Variants in DDX31 observed in about 807,000 individuals in gnomAD.
DDX31 encodes the protein DEAD-box helicase 31, also known as ATP-dependent DNA helicase DDX31.
A neutral mutation model predicts 91.3 loss-of-function variants in DDX31; 70 were observed. The observed-to-expected ratio is 0.77, with a 90% confidence interval of 0.63 to 0.94. The LOEUF (loss-of-function observed/expected upper bound fraction) is 0.94, where lower values mean the gene tolerates loss of function less well. Among genes scored for constraint, DDX31 ranks in the 40% least tolerant of loss-of-function variants. The probability of loss-of-function intolerance (pLI) is 0.00; values close to 1 mark genes in which losing one functional copy is unlikely to be tolerated. For missense variants in DDX31, 902 were observed against 925.0 expected (o/e 0.98, Z 0.32); for synonymous variants, 362 against 350.6 (o/e 1.03, Z -0.36).
At chr9:132,655,437 A>G (rs1834499349) in intron 6 of DDX31, among the ~76,000 whole-genome samples, 2 of 152,222 alleles carry the variant, frequency 1.3e-5, no homozygotes, top group East Asian at 3.8e-4. Context: ...CAGAAAAACA[A>G]AAAACTTCAC....
intron 19 of DDX31, among the ~76,000 whole-genome samples, chr9:132,598,731 T>C (rs545896635): frequency 2.3e-4 from 35 of 152,372 alleles, no homozygotes; most frequent in African/African-American, 8.2e-4. Flanking sequence ...AGTTTAAATT[T>C]TATTTATGTA....
In DDX31 at chr9:132,618,954, C is replaced by A. The variant is rs145015455; in HGVS notation, c.1714-513G>T. 1.2e-3 allele frequency among the ~76,000 whole-genome samples: 180 copies of A among 152,306 alleles called. 1 individual carries two copies. Among genetic ancestry groups the A allele is most frequent in the Middle Eastern group, 0.01 (3 of 294 alleles). On this transcript the variant is annotated intron_variant, in intron 17 of 19. Coordinates refer to ENST00000372159, the MANE Select transcript of DDX31 (RefSeq NM_022779.9). ...GAGCAGGCTTCCTCAGTGCCTAGAG[C>A]GGTTCAGACTTCTAGTGTTTCAAAT...
At position 132,665,203 on chromosome 9, in the gene DDX31, C is replaced by T. The variant is rs553971032; in HGVS notation, c.76-2508G>A. On this transcript the variant is annotated intron_variant, in intron 1 of 19. Transcript: ENST00000372159. ...TGGCAGAGTAAGCACTCAACAAATA[C>T]TTGTAAGATGAATGAATAACACACA... 8.5e-4 allele frequency among the ~76,000 whole-genome samples: 129 copies of T among 152,318 alleles called. 1 individual carries two copies. The highest frequency in any genetic ancestry group is 1.4e-3 in the Non-Finnish European group (94 of 68,026).
intron 17 of DDX31, among the ~76,000 whole-genome samples, chr9:132,618,864 A>G (rs1831812645): frequency 1.3e-5 from 2 of 152,220 alleles, no homozygotes. Flanking sequence ...ATTTCTCTTC[A>G]TGAGCACTCC....
intron 11 of DDX31, among the ~76,000 whole-genome samples, chr9:132,647,574 T>C (rs1833916337): frequency 6.6e-6 from 1 of 152,148 alleles, no homozygotes; most frequent in Non-Finnish European, 1.5e-5. Flanking sequence ...TGGCATCTGG[T>C]ACATGCACAT....
chr9:132,634,759 T>C (rs1297338248), intron 14 of DDX31, among the ~76,000 whole-genome samples: 5 of 152,028 alleles, frequency 3.3e-5, no homozygotes, highest in Non-Finnish European at 5.9e-5. Context: ...CACACCCAGC[T>C]AATCTAGACT....
Position 132,619,729 on chromosome 9 carries a change from CAGG to C in DDX31, c.1714-1291_1714-1289del, listed in dbSNP as rs368384839. Among the ~76,000 whole-genome samples the C allele has an allele frequency of 5.9e-3, 899 of 152,240 alleles. 5 individuals carry two copies. Among genetic ancestry groups the C allele is most frequent in the Admixed American group, 0.011 (166 of 15,300 alleles). ...CTAAAATGTCAGGAGAAGAGTCACTCAGGAGCCGTGTTACCAAAGTGGACATTT... is the reference window on the plus strand; with the variant it reads ...CTAAAATGTCAGGAGAAGAGTCACTCAGCCGTGTTACCAAAGTGGACATTT... On this transcript the variant is annotated intron_variant, in intron 17 of 19. Coordinates refer to ENST00000372159, the MANE Select transcript of DDX31 (RefSeq NM_022779.9).
At chr9:132,600,907 C>A (rs1033248973) in intron 19 of DDX31, among the ~76,000 whole-genome samples, 1 of 152,200 alleles carries the variant, frequency 6.6e-6, no homozygotes, top group Admixed American at 6.5e-5. Flanking sequence ...TATGCACAGG[C>A]ACATGGCCAG....
chr9:132,639,367 C>T (rs1590052197), intron 14 of DDX31, among the ~76,000 whole-genome samples: 1 of 152,098 alleles, frequency 6.6e-6, no homozygotes, highest in East Asian at 1.9e-4. Context: ...CAAAGAGAGT[C>T]CCCAGAATAT....
chr9:132,603,553 G>C (rs765512672), intron 19 of DDX31, among the ~76,000 whole-genome samples: 1 of 152,216 alleles, frequency 6.6e-6, no homozygotes, highest in Non-Finnish European at 1.5e-5. Context: ...CTGGGGGACT[G>C]TCATGTTCTT....
At chr9:132,632,261 C>CGT (rs1832819544) in intron 14 of DDX31, among the ~76,000 whole-genome samples, 170 bp from the exon 15 acceptor site, 1 of 129,984 alleles carries the variant, frequency 7.7e-6, no homozygotes, top group African/African-American at 4.1e-5. Context: ...CACACACACA[C>CGT]ACACACACAC....
intron 3 of DDX31, among the ~76,000 whole-genome samples, chr9:132,661,496 C>T (rs1834945107): frequency 6.6e-6 from 1 of 152,066 alleles, no homozygotes; most frequent in South Asian, 2.1e-4. Context: ...CTGCTGGCAT[C>T]TAGTGGGTAG....
At chr9:132,602,573 G>A (rs1280132249) in intron 19 of DDX31, among the ~76,000 whole-genome samples, 1 of 152,182 alleles carries the variant, frequency 6.6e-6, no homozygotes, top group Non-Finnish European at 1.5e-5. Context: ...GTACCGTTCT[G>A]CTTCCAGACC....
chr9:132,593,379 C>A lies in DDX31; in HGVS notation c.*1487G>T, dbSNP rs1182407154. 1 of 152,190 alleles carries A rather than the reference C, an allele frequency of 6.6e-6. No individual in the cohort carries two copies. The highest frequency in any genetic ancestry group is 2.4e-5 in the African/African-American group (1 of 41,432). 9.4% of individuals were successfully genotyped at this position (152,190 alleles called of 1,614,324 possible). A position where few individuals can be genotyped will look rare whatever the true frequency, so the allele number is the denominator to read the frequency against. On this transcript the variant is annotated 3_prime_UTR_variant, in exon 20 of 20. Transcript: ENST00000372159. ...CTGGGTTTTGTCTATAAAGTTTGAT[C>A]CCTCCTTTTCTCATCCAAATCATGT...
chr9:132,598,205 T>G (rs1830541524), intron 19 of DDX31, among the ~76,000 whole-genome samples: 1 of 152,198 alleles, frequency 6.6e-6, no homozygotes, highest in African/African-American at 2.4e-5. Context: ...CTGTCTCCTT[T>G]TCCTTTGTTC....
chr9:132,627,925 CTCAAAAAATATTTAGGAG>C (rs1309389714), intron 16 of DDX31, among the ~76,000 whole-genome samples: 3 of 152,210 alleles, frequency 2.0e-5, no homozygotes, highest in African/African-American at 7.2e-5. Context: ...ATGCTTCCTC[CTCAAAAAATATTTAGGAG>C]TCGACCTTTT....
chr9:132,638,287 ACTT>A (rs1833251239), intron 14 of DDX31: 23 of 1,610,726 alleles, frequency 1.4e-5, no homozygotes, highest in Admixed American at 6.7e-5. Context: ...ATTCGGTGGT[ACTT>A]CTTATCAACT....
chr9:132,594,320 C>T lies in DDX31; in HGVS notation c.*546G>A, dbSNP rs1424411619. On this transcript the variant is annotated 3_prime_UTR_variant, in exon 20 of 20. Coordinates refer to ENST00000372159, the MANE Select transcript of DDX31 (RefSeq NM_022779.9). ...ACACATTCGTATTTTTTGACCCAGA[C>T]CAAAAACTTTTGGTCCTTTTTAACG... The T allele has an allele frequency of 1.3e-5, 2 of 152,610 alleles. No individual in the cohort carries two copies. The highest frequency in any genetic ancestry group is 2.9e-5 in the Non-Finnish European group (2 of 68,348). The allele number at this position is 152,610 out of a possible 1,614,324, so 9.5% of individuals were successfully genotyped here. A position where few individuals can be genotyped will look rare whatever the true frequency, so the allele number is the denominator to read the frequency against.
intron 17 of DDX31, among the ~76,000 whole-genome samples, chr9:132,624,227 A>T (rs1832251391): frequency 1.3e-5 from 2 of 150,970 alleles, no homozygotes; most frequent in South Asian, 4.2e-4. Flanking sequence ...ACTAGAATTT[A>T]TGATAGTTCC....
Sources: gnomAD v4.1 joint callset for allele counts (sites outside exome capture counted in the v4.1 genomes callset) on GRCh38, gnomAD v4.1.1 for gene constraint, MANE v1.5 for transcripts, NCBI Gene and HGNC (gene_info 2026-07-23, HGNC 2026-07-21) for gene names.